Variants in UBTD1 observed in about 807,000 individuals in gnomAD.
UBTD1 encodes ubiquitin domain containing 1.
A neutral mutation model predicts 21.7 loss-of-function variants in UBTD1; 19 were observed. The ratio of observed to expected loss-of-function variants is 0.87; its 90% CI spans 0.61 to 1.28. The LOEUF (loss-of-function observed/expected upper bound fraction) is 1.28, where lower values mean the gene tolerates loss of function less well. UBTD1 is among the 50% of genes most tolerant of loss of function. The pLI is 0.00. For synonymous variants in UBTD1, 116 were observed against 135.1 expected (o/e 0.86, Z 0.98); for missense variants, 282 against 315.1 (o/e 0.89, Z 0.80).
intron 1 of UBTD1, among the ~76,000 whole-genome samples, chr10:97,528,764 C>T (rs1320453071): frequency 3.4e-5 from 4 of 117,492 alleles, no homozygotes; most frequent in African/African-American, 1.3e-4. Flanking sequence ...GCTGGCCGGG[C>T]GGGGGGCTGA....
Position 97,570,142 on chromosome 10 carries a change from C to A in UBTD1, c.303C>A (p.Thr101=), listed in dbSNP as rs1307901956. Residue 101 remains threonine, a synonymous_variant, in exon 3 of 3, where the codon ACC becomes ACA. Coordinates refer to ENST00000370664, the MANE Select transcript of UBTD1 (RefSeq NM_024954.5). The surrounding 1 kb of genome is among the most constrained non-coding windows in gnomAD (Gnocchi z 6.6). ...DGASITLPHG[T]LCECYDELGN... is the part of the protein sequence containing the mutation. ...ACAGCCCTGCCTCTCCTACAGGCAC[C>A]CTCTGTGAATGCTACGATGAGCTGG... is the stretch of plus-strand genomic sequence containing the variant. The A allele has an allele frequency of 6.2e-7, 1 of 1,601,860 alleles. No homozygotes were observed. Among genetic ancestry groups the A allele is most frequent in the South Asian group, 1.1e-5 (1 of 90,696 alleles).
chr10:97,512,550 C>T (rs188493360), intron 1 of UBTD1, among the ~76,000 whole-genome samples: 10 of 152,322 alleles, frequency 6.6e-5, no homozygotes, highest in African/African-American at 2.4e-4. Flanking sequence ...GCTGTATGCA[C>T]TGTTATTTAT....
intron 1 of UBTD1, among the ~76,000 whole-genome samples, chr10:97,533,190 C>T (rs980533342): frequency 1.5e-4 from 4 of 25,824 alleles, no homozygotes; most frequent in Admixed American, 4.7e-4. Context: ...CCTTTTCCAC[C>T]AGCTGGGAGC....
intron 1 of UBTD1, among the ~76,000 whole-genome samples, chr10:97,503,039 T>C (rs927109074): frequency 2.6e-5 from 4 of 151,802 alleles, no homozygotes; most frequent in Non-Finnish European, 5.9e-5. Flanking sequence ...CCCTCAGTCT[T>C]CCCAGTAGCT....
intron 1 of UBTD1, among the ~76,000 whole-genome samples, chr10:97,558,513 A>G (rs2861969): frequency 0.92 from 140,191 of 152,210 alleles, 65,263 homozygotes; most frequent in East Asian, 0.99. Flanking sequence ...TGAGAGATAG[A>G]CCACTGCCCT....
At position 97,530,780 on chromosome 10, in the gene UBTD1, C is replaced by T. The variant is rs569737042; in HGVS notation, c.70+31507C>T. On this transcript the variant is annotated intron_variant, in intron 1 of 2. Coordinates refer to ENST00000370664, the MANE Select transcript of UBTD1 (RefSeq NM_024954.5). ...TTGAGAGGAACAAAAGAAAATGTCT[C>T]AACATATTATTGCTGGTTATTTGGG... Among the ~76,000 whole-genome samples, 34 of 152,164 alleles carry T rather than the reference C, an allele frequency of 2.2e-4. No homozygotes were observed. In the East Asian group the frequency reaches 6.6e-3, roughly 29 times the overall value.
chr10:97,548,878 G>A (rs1011881736), intron 1 of UBTD1, among the ~76,000 whole-genome samples: 7 of 152,122 alleles, frequency 4.6e-5, no homozygotes, highest in Non-Finnish European at 7.4e-5. Context: ...GAAATGGGTC[G>A]GGGGATGGCT....
chr10:97,564,569 A>G (rs1019950571), intron 1 of UBTD1, among the ~76,000 whole-genome samples: 2 of 149,806 alleles, frequency 1.3e-5, no homozygotes, highest in Admixed American at 1.3e-4. Flanking sequence ...CCTTATTATT[A>G]TTTTTTTTTT....
At chr10:97,513,900 T>TG (rs2040432497) in intron 1 of UBTD1, among the ~76,000 whole-genome samples, 1 of 152,052 alleles carries the variant, frequency 6.6e-6, no homozygotes, top group South Asian at 2.1e-4. Context: ...TTTATAGAGA[T>TG]GGGGTCTCGC....
At chr10:97,529,002 C>T (rs1589873425) in intron 1 of UBTD1, among the ~76,000 whole-genome samples, 1 of 151,896 alleles carries the variant, frequency 6.6e-6, no homozygotes, top group Non-Finnish European at 1.5e-5. Flanking sequence ...CTCCTCACTT[C>T]CCAGACGGGG....
chr10:97,547,114 G>A (rs1378074688), intron 1 of UBTD1, among the ~76,000 whole-genome samples: 1 of 152,196 alleles, frequency 6.6e-6, no homozygotes, highest in Non-Finnish European at 1.5e-5. Flanking sequence ...CTGAGCGCTC[G>A]TGGCAGTTGA....
At chr10:97,499,520 T>G in intron 1 of UBTD1, among the ~76,000 whole-genome samples, 1 of 149,732 alleles carries the variant, frequency 6.7e-6, no homozygotes. Context: ...CTGGTGGGGG[T>G]GGGGGCAGGA....
chr10:97,570,576 C>T lies in UBTD1; in HGVS notation c.*53C>T. ...CCCGCCTGGAGCACTAGGCCCCCAC[C>T]CTGCTGCTGCCTTCCAGTGCTGTCA... On this transcript the variant is annotated 3_prime_UTR_variant, in exon 3 of 3. Coordinates refer to ENST00000370664, the MANE Select transcript of UBTD1 (RefSeq NM_024954.5). The surrounding 1 kb of genome is among the most constrained non-coding windows in gnomAD (Gnocchi z 6.6). 1 of 1,534,364 alleles carries T rather than the reference C, an allele frequency of 6.5e-7. No homozygotes were observed. The highest frequency in any genetic ancestry group is 8.8e-7 in the Non-Finnish European group (1 of 1,134,784).
chr10:97,549,303 G>A (rs376211971), intron 1 of UBTD1, among the ~76,000 whole-genome samples: 1 of 152,170 alleles, frequency 6.6e-6, no homozygotes, highest in African/African-American at 2.4e-5. Flanking sequence ...AGTGAGGCTT[G>A]TTCACAAAAC....
rs1020427564 is a variant in UBTD1, at chr10:97,570,746, G to A, written c.*223G>A. The A allele has an allele frequency of 5.3e-6, 3 of 562,932 alleles. No individual in the cohort carries two copies. The highest frequency in any genetic ancestry group is 9.2e-6 in the Non-Finnish European group (3 of 325,154). 34.9% of individuals were successfully genotyped at this position (562,932 alleles called of 1,614,324 possible). A position where few individuals can be genotyped will look rare whatever the true frequency, so the allele number is the denominator to read the frequency against. On this transcript the variant is annotated 3_prime_UTR_variant, in exon 3 of 3. Transcript: ENST00000370664. This position sits in a 1 kb window ranked among gnomAD's most constrained non-coding sequence, Gnocchi z 6.6. ...GCCTTGCAACCTTGTCAGAGAAAAG[G>A]CGAACAGGGCCCTCACCCTGCCTGT...
chr10:97,537,402 G>A (rs1439385898), intron 1 of UBTD1, among the ~76,000 whole-genome samples: 2 of 152,334 alleles, frequency 1.3e-5, no homozygotes, highest in Middle Eastern at 3.4e-3. Context: ...TAGCTAGAGA[G>A]CAGGGGCCAG....
At chr10:97,557,935 A>G (rs964182860) in intron 1 of UBTD1, among the ~76,000 whole-genome samples, 1 of 152,198 alleles carries the variant, frequency 6.6e-6, no homozygotes, top group Non-Finnish European at 1.5e-5. Flanking sequence ...TATATACTGG[A>G]AACAGTTCTC....
At chr10:97,521,027 G>A (rs187903620) in intron 1 of UBTD1, among the ~76,000 whole-genome samples, 249 of 152,312 alleles carry the variant, frequency 1.6e-3, no homozygotes, top group Non-Finnish European at 3.0e-3. Flanking sequence ...GAGGGAGAGA[G>A]GAGGGAGATC....
At chr10:97,566,543 C>T (rs562292124) in intron 1 of UBTD1, among the ~76,000 whole-genome samples, 2 of 152,312 alleles carry the variant, frequency 1.3e-5, no homozygotes, top group East Asian at 3.9e-4. Flanking sequence ...TGGGGCAAGT[C>T]ATTTAATCTC....
Sources: allele counts gnomAD v4.1 joint callset (sites outside exome capture counted in the v4.1 genomes callset), GRCh38; gene constraint gnomAD v4.1.1; non-coding constraint Gnocchi (gnomAD v3.1); transcripts MANE v1.5; gene names NCBI Gene and HGNC (gene_info 2026-07-23, HGNC 2026-07-21).